The following ZNF407 variants were observed in gnomAD, a reference collection of about 807,000 sequenced individuals.
ZNF407 encodes the protein zinc finger protein 407.
ZNF407 carries 17 observed loss-of-function variants against 131.2 expected under a neutral mutation model. The observed-to-expected ratio is 0.13, with a 90% CI of 0.09 to 0.19. ZNF407 has a LOEUF of 0.19. Ranked by LOEUF, ZNF407 falls within the 10% of genes least tolerant of loss-of-function variation. The probability of loss-of-function intolerance (pLI) is 1.00; values close to 1 mark genes in which losing one functional copy is unlikely to be tolerated. For missense variants in ZNF407, 2,681 were observed against 2,830.6 expected (o/e 0.95, Z 1.20); for synonymous variants, 1,156 against 1,062.0 (o/e 1.09, Z -1.72).
chr18:75,056,557 C>T (rs1013509567), intron 8 of ZNF407, among the ~76,000 whole-genome samples: 1 of 152,196 alleles, frequency 6.6e-6, no homozygotes, highest in Non-Finnish European at 1.5e-5. Context: ...TTGTTTAGTA[C>T]AAGAAGTAGC....
intron 3 of ZNF407, among the ~76,000 whole-genome samples, chr18:74,773,054 C>T (rs1969394478): frequency 6.6e-6 from 1 of 151,970 alleles, no homozygotes; most frequent in African/African-American, 2.4e-5. Context: ...ATTGTCAATG[C>T]AGACAAGAAA....
At chr18:74,771,550 C>A (rs200889767) in intron 3 of ZNF407, among the ~76,000 whole-genome samples, 1 of 3,924 alleles carries the variant, frequency 2.5e-4, no homozygotes, top group Non-Finnish European at 2.5e-3. Context: ...TTAATAATTT[C>A]AGTTTTATAT....
intron 3 of ZNF407, among the ~76,000 whole-genome samples, chr18:74,643,734 C>T (rs796230292): frequency 2.0e-5 from 3 of 151,944 alleles, no homozygotes; most frequent in African/African-American, 7.2e-5. Flanking sequence ...TTTTTCAGAT[C>T]TTTATATTAG....
At chr18:74,796,355 C>T (rs1282622122) in intron 4 of ZNF407, among the ~76,000 whole-genome samples, 1 of 152,134 alleles carries the variant, frequency 6.6e-6, no homozygotes, top group African/African-American at 2.4e-5. Context: ...GGTTTTGTTA[C>T]TCAATGAAAT....
intron 3 of ZNF407, among the ~76,000 whole-genome samples, chr18:74,657,509 C>G (rs1412514807): frequency 6.6e-6 from 1 of 152,142 alleles, no homozygotes; most frequent in African/African-American, 2.4e-5. Context: ...AACCTGGTTA[C>G]TTAACCATTC....
intron 8 of ZNF407, among the ~76,000 whole-genome samples, chr18:75,024,220 G>T (rs1195464554): frequency 6.6e-6 from 1 of 152,176 alleles, no homozygotes; most frequent in Non-Finnish European, 1.5e-5. Context: ...TGGTGTGCTG[G>T]TTTCAGGGGT....
chr18:74,620,127 T>G (rs1232702977), intron 1 of ZNF407, among the ~76,000 whole-genome samples: 1 of 152,216 alleles, frequency 6.6e-6, no homozygotes, highest in Non-Finnish European at 1.5e-5. Context: ...TTTTTTTATG[T>G]AAATATCTCT....
intron 8 of ZNF407, among the ~76,000 whole-genome samples, chr18:75,019,581 A>G (rs1417855410): frequency 6.6e-6 from 1 of 152,152 alleles, no homozygotes; most frequent in Non-Finnish European, 1.5e-5. Flanking sequence ...CAGGGTGCGA[A>G]TCATCCCTTT....
At chr18:74,693,438 T>G (rs1210014259) in intron 3 of ZNF407, among the ~76,000 whole-genome samples, 2 of 152,236 alleles carry the variant, frequency 1.3e-5, no homozygotes, top group Non-Finnish European at 2.9e-5. Flanking sequence ...GTTTTTATAG[T>G]GGGTGTCTGC....
intron 3 of ZNF407, among the ~76,000 whole-genome samples, chr18:74,769,733 C>G (rs749909259): frequency 2.0e-4 from 30 of 152,194 alleles, no homozygotes; most frequent in Admixed American, 8.5e-4. Context: ...AGACTAGATG[C>G]GGGTTTTCAA....
intron 8 of ZNF407, among the ~76,000 whole-genome samples, chr18:74,969,093 G>C (rs1972442456): frequency 6.6e-6 from 1 of 152,144 alleles, no homozygotes; most frequent in Non-Finnish European, 1.5e-5. Flanking sequence ...CATTTTTTCA[G>C]TTCTGTAAAT....
chr18:74,783,224 C>G (rs1969641598), intron 4 of ZNF407, among the ~76,000 whole-genome samples: 1 of 152,060 alleles, frequency 6.6e-6, no homozygotes, highest in South Asian at 2.1e-4. Context: ...ATAATTTATT[C>G]AATATCTCAT....
intron 8 of ZNF407, among the ~76,000 whole-genome samples, chr18:74,956,425 T>C (rs1212124969): frequency 6.6e-6 from 1 of 152,112 alleles, no homozygotes; most frequent in Non-Finnish European, 1.5e-5. Flanking sequence ...TAAGCTAAAA[T>C]CTCTTCATCC....
chr18:74,635,121 G>T lies in ZNF407; in HGVS notation c.4102G>T (p.Asp1368Tyr), dbSNP rs1485013027. 2 of 1,613,870 alleles carry T rather than the reference G, an allele frequency of 1.2e-6. No homozygotes were observed. Among genetic ancestry groups the T allele is most frequent in the African/African-American group, 2.7e-5 (2 of 74,918 alleles). ...CATAATAAGAATAAAGAACCCTGAA[G>T]ATGGTGAGTTGATAGACCAGTCTGA... ...SSIIRIKNPE[D>Y]GELIDQSEEG... The change falls in exon 2 of 9, where the codon GAT (aspartate) becomes TAT (tyrosine). Residue 1368 changes from aspartate to tyrosine, a missense_variant. Physicochemically the swap from Asp to Tyr is radical, Grantham distance 160 (BLOSUM62 -3). Coordinates refer to ENST00000299687, the MANE Select transcript of ZNF407 (RefSeq NM_017757.3). The surrounding 1 kb of genome is among the most constrained non-coding windows in gnomAD (Gnocchi z 4.7).
At chr18:74,880,297 T>C in intron 5 of ZNF407, among the ~76,000 whole-genome samples, 1 of 152,202 alleles carries the variant, frequency 6.6e-6, no homozygotes, top group East Asian at 1.9e-4. Flanking sequence ...TTTGCACACA[T>C]TTAACAAATA....
intron 4 of ZNF407, among the ~76,000 whole-genome samples, chr18:74,825,177 ACT>A (rs1970393225): frequency 1.3e-5 from 2 of 152,070 alleles, no homozygotes; most frequent in African/African-American, 4.8e-5. Flanking sequence ...CATGCTAAAA[ACT>A]CTCAATAAAC....
At chr18:74,608,872 G>A (rs1472839077) in intron 1 of ZNF407, among the ~76,000 whole-genome samples, 2 of 152,146 alleles carry the variant, frequency 1.3e-5, no homozygotes, top group Non-Finnish European at 2.9e-5. Context: ...TCTGGTGAAC[G>A]TGAACTTTGA....
At chr18:74,861,680 A>G (rs992344578) in intron 4 of ZNF407, among the ~76,000 whole-genome samples, 57 of 152,326 alleles carry the variant, frequency 3.7e-4, no homozygotes, top group Admixed American at 3.6e-3. Context: ...ATTGTGCCCA[A>G]AGGGTATCTT....
intron 8 of ZNF407, among the ~76,000 whole-genome samples, chr18:75,025,700 T>A (rs150626206): frequency 6.6e-6 from 1 of 152,336 alleles, no homozygotes; most frequent in East Asian, 1.9e-4. Context: ...GAGCTGCTTT[T>A]AAAATTGGCT....
Sources: gnomAD v4.1 joint callset for allele counts (sites outside exome capture counted in the v4.1 genomes callset) on GRCh38, gnomAD v4.1.1 for gene constraint, Gnocchi (gnomAD v3.1) non-coding constraint, MANE v1.5 for transcripts, NCBI Gene and HGNC (gene_info 2026-07-23, HGNC 2026-07-21) for gene names.